Variants in PCDH11X observed in about 807,000 individuals in gnomAD.
PCDH11X encodes the protein protocadherin-11 X-linked.
Under a neutral mutation model 53.3 loss-of-function variants are expected in PCDH11X, and 18 were observed. The observed-to-expected ratio is 0.34, with a 90% CI of 0.23 to 0.50. The LOEUF is 0.50. Ranked by LOEUF, PCDH11X falls within the 20% of genes least tolerant of loss-of-function variation. PCDH11X has a pLI of 0.98. For synonymous variants in PCDH11X, 279 were observed against 393.3 expected (o/e 0.71, Z 3.44); for missense variants, 570 against 1,032.4 (o/e 0.55, Z 6.14).
Position 92,511,099 on chromosome X carries a change from T to A in PCDH11X, c.3367+42777T>A, listed in dbSNP as rs1318600286. 2.7e-5 allele frequency among the ~76,000 whole-genome samples: 3 copies of A among 111,800 alleles called. No homozygotes were observed. The Admixed American group carries it at 2.9e-4, about 11-fold the overall frequency. ...CTTTTCTGACCAGTATCTTTACAGG[T>A]GGCCAATACACATTCATATGCAATC... is the stretch of plus-strand genomic sequence containing the variant. On this transcript the variant is annotated intron_variant, in intron 10 of 10. Coordinates refer to ENST00000682573, the MANE Select transcript of PCDH11X (RefSeq NM_032968.5).
chrX:91,892,726 G>A (rs1940556565), intron 6 of PCDH11X, among the ~76,000 whole-genome samples: 2 of 108,321 alleles, frequency 1.8e-5, no homozygotes, highest in Admixed American at 9.9e-5. Context: ...TTTTGAGACG[G>A]AATCTCGCTC....
intron 5 of PCDH11X, among the ~76,000 whole-genome samples, chrX:91,850,256 G>T (rs2147657218): frequency 9.1e-6 from 1 of 110,022 alleles, no homozygotes; most frequent in East Asian, 2.9e-4. Flanking sequence ...GATCTTGTAG[G>T]TGTCACAAAC....
chrX:92,216,173 T>C (rs2066706240), intron 7 of PCDH11X, among the ~76,000 whole-genome samples: 1 of 110,376 alleles, frequency 9.1e-6, no homozygotes, highest in Non-Finnish European at 1.9e-5. Flanking sequence ...GGAACGCAGT[T>C]CCTCACCAGC....
At position 92,529,464 on chromosome X, in the gene PCDH11X, C is replaced by T. The variant is rs145505446; in HGVS notation, c.3367+61142C>T. ...CATAGATCTTGGTAATGCTATATAG[C>T]GTTCACACTATGATAATAAAGAGCA... On this transcript the variant is annotated intron_variant, in intron 10 of 10. Coordinates refer to ENST00000682573, the MANE Select transcript of PCDH11X (RefSeq NM_032968.5). 6.5e-3 allele frequency among the ~76,000 whole-genome samples: 715 copies of T among 109,912 alleles called. 4 individuals are homozygous for T. Among genetic ancestry groups the T allele is most frequent in the African/African-American group, 0.023 (681 of 30,233 alleles).
intron 9 of PCDH11X, among the ~76,000 whole-genome samples, chrX:92,395,647 AATTCT>A (rs753134104): frequency 9.8e-4 from 109 of 110,990 alleles, no homozygotes; most frequent in African/African-American, 3.5e-3. Context: ...ATTGTCTTTA[AATTCT>A]AGAGCTCTAA....
chrX:92,153,752 GTT>G (rs1382794057), intron 6 of PCDH11X, among the ~76,000 whole-genome samples: 1 of 111,463 alleles, frequency 9.0e-6, no homozygotes, highest in Non-Finnish European at 1.9e-5. Context: ...GAAATTTAAA[GTT>G]TTGGTAAAGA....
intron 6 of PCDH11X, among the ~76,000 whole-genome samples, chrX:91,909,901 C>T (rs1339889818): frequency 9.0e-6 from 1 of 111,257 alleles, no homozygotes; most frequent in Non-Finnish European, 1.9e-5. Context: ...TATCCATAAC[C>T]TCATAGTTAC....
intron 9 of PCDH11X, among the ~76,000 whole-genome samples, chrX:92,457,096 C>A (rs767129276): frequency 1.1e-4 from 12 of 108,946 alleles, no homozygotes; most frequent in Non-Finnish European, 1.9e-4. Flanking sequence ...ATCAAGCAAA[C>A]GGATTTGATT....
chrX:92,469,725 T>G (rs2073223924), intron 10 of PCDH11X, among the ~76,000 whole-genome samples: 1 of 111,465 alleles, frequency 9.0e-6, no homozygotes, highest in African/African-American at 3.3e-5. Flanking sequence ...GATGTATGAA[T>G]TTATTTCTGG....
intron 6 of PCDH11X, among the ~76,000 whole-genome samples, chrX:91,946,761 T>G (rs2147865022): frequency 1.0e-5 from 1 of 97,383 alleles, no homozygotes; most frequent in South Asian, 4.9e-4. Context: ...CTCACTGTTT[T>G]CTTCTTTTGT....
At chrX:92,079,699 T>A (rs1218387137) in intron 6 of PCDH11X, among the ~76,000 whole-genome samples, 1 of 111,921 alleles carries the variant, frequency 8.9e-6, no homozygotes. Flanking sequence ...GTAAATTAGC[T>A]AATTCATAGT....
chrX:92,438,035 G>A (rs2072427519), intron 9 of PCDH11X, among the ~76,000 whole-genome samples: 1 of 111,550 alleles, frequency 9.0e-6, no homozygotes, highest in Non-Finnish European at 1.9e-5. Context: ...AACTTAATCT[G>A]ATAGGTAGTA....
At chrX:91,905,824 C>T (rs1941134042) in intron 6 of PCDH11X, among the ~76,000 whole-genome samples, 1 of 110,473 alleles carries the variant, frequency 9.1e-6, no homozygotes, top group Admixed American at 9.7e-5. Flanking sequence ...GTGCCTTTTT[C>T]TAAGTGTTTA....
chrX:92,452,499 G>GTTTT (rs1268953024), intron 9 of PCDH11X, among the ~76,000 whole-genome samples: 1 of 35,897 alleles, frequency 2.8e-5, no homozygotes, highest in Non-Finnish European at 4.5e-5. Flanking sequence ...ATATATATAT[G>GTTTT]TTTTTTTTTT....
chrX:92,078,874 G>A (rs1195515575), intron 6 of PCDH11X, among the ~76,000 whole-genome samples: 10 of 110,589 alleles, frequency 9.0e-5, no homozygotes, highest in South Asian at 3.9e-4. Context: ...TCTCACACAC[G>A]CCTATATAGA....
intron 6 of PCDH11X, among the ~76,000 whole-genome samples, chrX:92,125,279 A>G (rs2064840828): frequency 8.9e-6 from 1 of 111,978 alleles, no homozygotes; most frequent in Non-Finnish European, 1.9e-5. Context: ...CAATAAAGTT[A>G]TTCATATTGA....
chrX:91,902,363 A>T (rs181608754), intron 6 of PCDH11X, among the ~76,000 whole-genome samples: 41 of 110,080 alleles, frequency 3.7e-4, no homozygotes, highest in African/African-American at 1.4e-3. Context: ...GCTCTATTTG[A>T]CATTTTTCCT....
intron 6 of PCDH11X, among the ~76,000 whole-genome samples, chrX:92,018,352 A>T (rs2062830387): frequency 1.8e-5 from 2 of 112,411 alleles, no homozygotes; most frequent in South Asian, 7.3e-4. Flanking sequence ...AAAATCTTAA[A>T]TAGATATAAT....
rs764931447 is a variant in PCDH11X at position 92,103,183 on chromosome X, G to A, written c.3034-98192G>A. ...TGTGGCTGTAGTCCAGGAAGAGTCA[G>A]GGAAGCAGATAATTTGGTTAAAATA... On this transcript the variant is annotated intron_variant, in intron 6 of 10. Coordinates refer to ENST00000682573, the MANE Select transcript of PCDH11X (RefSeq NM_032968.5). Among the ~76,000 whole-genome samples the A allele has an allele frequency of 2.1e-3, 236 of 110,763 alleles. 1 individual carries two copies. Among genetic ancestry groups the A allele is most frequent in the African/African-American group, 7.4e-3 (225 of 30,421 alleles).
Sources: allele counts gnomAD v4.1 joint callset (sites outside exome capture counted in the v4.1 genomes callset), GRCh38; gene constraint gnomAD v4.1.1; transcripts MANE v1.5; gene names NCBI Gene and HGNC (gene_info 2026-07-23, HGNC 2026-07-21).